The following CUBN variants were observed in gnomAD, a reference collection of about 807,000 sequenced individuals.
CUBN encodes the protein cubilin.
In CUBN, 282 loss-of-function variants were observed where a neutral mutation model predicts 405.3. That is an observed-to-expected ratio of 0.70 (90% CI 0.63 to 0.77). The LOEUF (loss-of-function observed/expected upper bound fraction) is 0.77, where lower values mean the gene tolerates loss of function less well. Among genes scored for constraint, CUBN ranks in the 30% least tolerant of loss-of-function variants. The pLI, the probability that CUBN is intolerant of heterozygous loss-of-function variation, is 0.00. For synonymous variants in CUBN, 1,684 were observed against 1,617.0 expected (o/e 1.04, Z -0.99); for missense variants, 4,514 against 4,475.2 (o/e 1.01, Z -0.25).
intron 62 of CUBN, among the ~76,000 whole-genome samples, chr10:16,837,255 A>C (rs1839199619): frequency 6.6e-6 from 1 of 151,230 alleles, no homozygotes; most frequent in Non-Finnish European, 1.5e-5. Flanking sequence ...CTCCTGGTAG[A>C]GGCTGTTCTT....
intron 22 of CUBN, among the ~76,000 whole-genome samples, chr10:17,058,815 ATG>A (rs1427444200): frequency 6.6e-6 from 1 of 152,110 alleles, no homozygotes; most frequent in Non-Finnish European, 1.5e-5. Context: ...TTAAATTAGA[ATG>A]TGTTTCCATA....
At chr10:16,937,851 A>G in intron 38 of CUBN, 67 bp from the exon 39 acceptor site, 1 of 1,401,166 alleles carries the variant, frequency 7.1e-7, no homozygotes, top group Non-Finnish European at 9.9e-7. Flanking sequence ...AGATAAAATA[A>G]AAAAGATGCC....
chr10:16,908,309 C>T (rs757820492), intron 48 of CUBN, among the ~76,000 whole-genome samples: 3 of 152,034 alleles, frequency 2.0e-5, no homozygotes, highest in Non-Finnish European at 2.9e-5. Flanking sequence ...CCACGCCCAG[C>T]TAATTTTGTA....
At chr10:16,880,870 A>G (rs1283385205) in intron 56 of CUBN, among the ~76,000 whole-genome samples, 1 of 152,248 alleles carries the variant, frequency 6.6e-6, no homozygotes, top group Non-Finnish European at 1.5e-5. Flanking sequence ...GCATAAATCT[A>G]TAAGTTGAAA....
intron 6 of CUBN, among the ~76,000 whole-genome samples, chr10:17,118,451 C>T (rs7908880): frequency 0.6 from 91,866 of 151,972 alleles, 28,990 homozygotes; most frequent in Non-Finnish European, 0.71. Context: ...TGTTTTGTTT[C>T]GTTTTGTTTT....
chr10:16,915,124 T>A lies in CUBN; in HGVS notation c.7259A>T (p.Asp2420Val), dbSNP rs777605378. Residue 2420 changes from aspartate to valine, a missense_variant, in exon 47 of 67, where the codon GAC becomes GTC. This residue lies in a region of CUBN where 1,613 missense variants were observed against 1,542.8 expected (regional missense o/e 1.05). Transcript: ENST00000377833. ...YCGNTIPDSIDTSSNTAVVRF... is the reference protein window; with the variant it reads ...YCGNTIPDSIVTSSNTAVVRF... ...GACCACAGCAGTATTGCTAGAAGTG[T>A]CTATGCTGTCAGGAATGGTGTTTCC... is the stretch of plus-strand genomic sequence containing the variant. 7 of 1,613,982 alleles carry A rather than the reference T, an allele frequency of 4.3e-6. No individual in the cohort carries two copies. The Admixed American group carries it at 1.2e-4, about 27-fold the overall frequency.
intron 55 of CUBN, among the ~76,000 whole-genome samples, chr10:16,889,329 C>G (rs968531119): frequency 1.3e-5 from 2 of 152,176 alleles, no homozygotes; most frequent in African/African-American, 2.4e-5. Flanking sequence ...CTGATTCAGT[C>G]TGAAAAACCT....
At position 17,093,770 on chromosome 10, in the gene CUBN, CA is replaced by C. The variant is rs1477008531; in HGVS notation, c.1766-5426del. On this transcript the variant is annotated intron_variant, in intron 14 of 66. Coordinates refer to ENST00000377833, the MANE Select transcript of CUBN (RefSeq NM_001081.4). ...TACTGAGGCTACCAAACAATGACTC[CA>C]AAATAATTATGATAAAACTTAGAGG... Among the ~76,000 whole-genome samples, 7 of 151,580 alleles carry C rather than the reference CA, an allele frequency of 4.6e-5. No homozygotes were observed. The East Asian group carries it at 1.4e-3, about 29-fold the overall frequency.
At chr10:16,890,236 T>C in intron 55 of CUBN, 135 bp downstream of exon 55, 1 of 804,304 alleles carries the variant, frequency 1.2e-6, no homozygotes, top group South Asian at 1.4e-5. Flanking sequence ...AGGTGTCTTC[T>C]TGGGATTAGG....
chr10:17,095,691 A>C (rs1836358545), intron 14 of CUBN, among the ~76,000 whole-genome samples: 1 of 152,120 alleles, frequency 6.6e-6, no homozygotes, highest in African/African-American at 2.4e-5. Context: ...GAGGTTCCTC[A>C]AAAAATTAAA....
intron 56 of CUBN, among the ~76,000 whole-genome samples, chr10:16,882,232 A>G (rs1358989696): frequency 1.3e-5 from 2 of 152,224 alleles, no homozygotes; most frequent in African/African-American, 4.8e-5. Flanking sequence ...TTCTCCGTGG[A>G]CTAGAGTCCA....
intron 6 of CUBN, chr10:17,121,829 G>A (rs893095429): frequency 1.3e-5 from 2 of 152,286 alleles, no homozygotes; most frequent in African/African-American, 2.4e-5. Context: ...CAGTAAGAGA[G>A]CAAATAATTG....
At chr10:17,020,933 T>C (rs143312712) in intron 27 of CUBN, among the ~76,000 whole-genome samples, 12 of 152,330 alleles carry the variant, frequency 7.9e-5, no homozygotes, top group Non-Finnish European at 7.4e-5. Flanking sequence ...TAAAATATTA[T>C]TAAATTTCTT....
chr10:16,890,746 T>C (rs530895869), intron 54 of CUBN, among the ~76,000 whole-genome samples: 1 of 152,314 alleles, frequency 6.6e-6, no homozygotes. Context: ...GGAGATGGTG[T>C]TCCTTTTTGC....
chr10:16,880,856 T>C (rs1182703547), intron 56 of CUBN, among the ~76,000 whole-genome samples: 4 of 152,220 alleles, frequency 2.6e-5, no homozygotes, highest in Non-Finnish European at 4.4e-5. Context: ...ATATTTCTAA[T>C]TGGGCATAAA....
intron 45 of CUBN, 90 bp downstream of exon 45, chr10:16,918,532 A>T: frequency 2.0e-6 from 2 of 993,332 alleles, no homozygotes; most frequent in Non-Finnish European, 3.1e-6. Flanking sequence ...AATAATCTCT[A>T]CAACAAACCC....
intron 36 of CUBN, among the ~76,000 whole-genome samples, chr10:16,942,579 G>A (rs143196979): frequency 1.1e-4 from 17 of 152,082 alleles, no homozygotes; most frequent in Non-Finnish European, 2.9e-5. Context: ...TAGAAAATAA[G>A]AAGTGCTGAT....
At chr10:16,895,634 C>A (rs1841160063) in intron 54 of CUBN, among the ~76,000 whole-genome samples, 1 of 152,134 alleles carries the variant, frequency 6.6e-6, no homozygotes, top group African/African-American at 2.4e-5. Flanking sequence ...ATCCTTTTAT[C>A]ATTATGTAAG....
At chr10:16,992,994 G>A (rs961633913) in intron 28 of CUBN, among the ~76,000 whole-genome samples, 1 of 152,148 alleles carries the variant, frequency 6.6e-6, no homozygotes, top group Non-Finnish European at 1.5e-5. Context: ...CCCAACTCCA[G>A]GGAGCACCGC....
Sources: allele counts gnomAD v4.1 joint callset (sites outside exome capture counted in the v4.1 genomes callset), GRCh38; gene constraint gnomAD v4.1.1; regional missense constraint gnomAD v4.1.1; transcripts MANE v1.5; gene names NCBI Gene and HGNC (gene_info 2026-07-23, HGNC 2026-07-21).